SLC7A1: variants seen among roughly 807,000 people sequenced by gnomAD.
SLC7A1 encodes high affinity cationic amino acid transporter 1.
A neutral mutation model predicts 53.9 loss-of-function variants in SLC7A1; 10 were observed. That is an observed-to-expected ratio of 0.19 (90% CI 0.11 to 0.31). The LOEUF is 0.31. SLC7A1 is among the 10% of genes least tolerant of loss of function. The pLI is 1.00. For missense variants in SLC7A1, 525 were observed against 827.2 expected, an observed-to-expected ratio of 0.63 and a Z score of 4.48; for synonymous variants, 342 against 338.7, an observed-to-expected ratio of 1.01 and a Z score of -0.11.
At chr13:29,534,734 A>C (rs763569965) in intron 3 of SLC7A1, among the ~76,000 whole-genome samples, 1 of 152,158 alleles carries the variant, frequency 6.6e-6, no homozygotes, top group East Asian at 1.9e-4. Context: ...CTGACACAGA[A>C]GCAAGGCGGA....
intron 1 of SLC7A1, among the ~76,000 whole-genome samples, chr13:29,587,855 G>GC (rs1939412195): frequency 1.3e-5 from 2 of 152,076 alleles, no homozygotes; most frequent in Non-Finnish European, 2.9e-5. Flanking sequence ...GGACTTGGCT[G>GC]CGGGGCTCCT....
At chr13:29,563,425 A>C in intron 1 of SLC7A1, among the ~76,000 whole-genome samples, 1 of 152,262 alleles carries the variant, frequency 6.6e-6, no homozygotes. Flanking sequence ...TATTGTCTGC[A>C]AAATAGGCAC....
chr13:29,591,167 G>A (rs1022667280), intron 1 of SLC7A1, among the ~76,000 whole-genome samples: 1 of 152,052 alleles, frequency 6.6e-6, no homozygotes, highest in Non-Finnish European at 1.5e-5. Flanking sequence ...CTTCTTTCCA[G>A]TATAATAGTT....
At chr13:29,541,234 C>T (rs559258691) in intron 2 of SLC7A1, among the ~76,000 whole-genome samples, 4 of 152,092 alleles carry the variant, frequency 2.6e-5, no homozygotes, top group South Asian at 4.2e-4. Context: ...ATGGGACTAG[C>T]GGACACTAAG....
intron 1 of SLC7A1, among the ~76,000 whole-genome samples, chr13:29,589,556 A>G (rs941500779): frequency 6.6e-6 from 1 of 152,094 alleles, no homozygotes; most frequent in African/African-American, 2.4e-5. Context: ...AGGTGCCTGG[A>G]CTTGGGAGGG....
intron 2 of SLC7A1, among the ~76,000 whole-genome samples, chr13:29,548,134 T>C: frequency 6.6e-6 from 1 of 152,204 alleles, no homozygotes; most frequent in East Asian, 1.9e-4. Flanking sequence ...GACACTTCTC[T>C]GGGCCTAAGT....
chr13:29,544,874 G>GA (rs1566263599), intron 2 of SLC7A1, among the ~76,000 whole-genome samples: 1 of 151,050 alleles, frequency 6.6e-6, no homozygotes, highest in Admixed American at 6.6e-5. Flanking sequence ...CATCGGGGGG[G>GA]GGGGGCAAGC....
intron 1 of SLC7A1, among the ~76,000 whole-genome samples, chr13:29,565,666 T>G (rs1870938423): frequency 6.6e-6 from 1 of 152,210 alleles, no homozygotes; most frequent in Non-Finnish European, 1.5e-5. Context: ...CAGGTGGATC[T>G]CAGTCCACCA....
chr13:29,545,203 T>C (rs1244539073), intron 2 of SLC7A1, among the ~76,000 whole-genome samples: 4 of 152,106 alleles, frequency 2.6e-5, no homozygotes, highest in Non-Finnish European at 5.9e-5. Context: ...AATATAAATA[T>C]AAAAAGATGC....
At chr13:29,557,561 C>A (rs1177303285) in intron 1 of SLC7A1, among the ~76,000 whole-genome samples, 1 of 151,320 alleles carries the variant, frequency 6.6e-6, no homozygotes, top group Non-Finnish European at 1.5e-5. Context: ...AAAGGTATAG[C>A]AAGAATAAGA....
chr13:29,514,534 G>T lies in SLC7A1; in HGVS notation c.1836C>A (p.Ser612=). 2 of 1,611,470 alleles carry T rather than the reference G, an allele frequency of 1.2e-6. No individual in the cohort carries two copies. Among genetic ancestry groups the T allele is most frequent in the African/African-American group, 2.7e-5 (2 of 75,052 alleles). ...GYGLWHSEEA[S]LDADQARTPD... ...GAGTCCTTGCTTGGTCGGCATCCAG[G>T]GACGCCTCCTCGCTGTGCCACAGGC... The change falls in exon 13 of 13, where the codon TCC becomes TCA. Residue 612 remains serine, a synonymous_variant. Coordinates refer to ENST00000380752, the MANE Select transcript of SLC7A1 (RefSeq NM_003045.5).
intron 5 of SLC7A1, among the ~76,000 whole-genome samples, chr13:29,527,584 T>A (rs1868957306): frequency 6.6e-6 from 1 of 152,222 alleles, no homozygotes; most frequent in Non-Finnish European, 1.5e-5. Flanking sequence ...CCAAGAGCCC[T>A]CACCCAGCAA....
intron 1 of SLC7A1, among the ~76,000 whole-genome samples, chr13:29,559,700 T>C (rs1190236400): frequency 6.6e-6 from 1 of 152,098 alleles, no homozygotes; most frequent in African/African-American, 2.4e-5. Context: ...CATTTTTACT[T>C]TACAAACTTT....
At chr13:29,573,046 G>A (rs1386634077) in intron 1 of SLC7A1, among the ~76,000 whole-genome samples, 1 of 152,092 alleles carries the variant, frequency 6.6e-6, no homozygotes, top group Non-Finnish European at 1.5e-5. Flanking sequence ...AATCTATCCT[G>A]GAGAGAATAA....
intron 1 of SLC7A1, among the ~76,000 whole-genome samples, chr13:29,593,795 A>G (rs1872200489): frequency 6.6e-6 from 1 of 152,024 alleles, no homozygotes; most frequent in African/African-American, 2.4e-5. Context: ...AAGTAATCAT[A>G]TGTACAGGAG....
At chr13:29,587,299 C>T (rs923521108) in intron 1 of SLC7A1, among the ~76,000 whole-genome samples, 12 of 152,206 alleles carry the variant, frequency 7.9e-5, no homozygotes, top group African/African-American at 2.4e-4. Context: ...CTCTCAGTTC[C>T]AGCTGTTATG....
intron 1 of SLC7A1, among the ~76,000 whole-genome samples, chr13:29,587,469 C>A (rs188219500): frequency 2.3e-4 from 35 of 152,166 alleles, no homozygotes; most frequent in Non-Finnish European, 1.0e-4. Context: ...TCTTCCGTAG[C>A]CCACTGGTAG....
intron 2 of SLC7A1, among the ~76,000 whole-genome samples, chr13:29,536,843 T>G (rs566324729): frequency 6.6e-6 from 1 of 152,384 alleles, no homozygotes; most frequent in South Asian, 2.1e-4. Context: ...AGCACTTTTC[T>G]TCTGGGCTGA....
At chr13:29,541,160 T>G (rs1009609777) in intron 2 of SLC7A1, among the ~76,000 whole-genome samples, 1 of 152,186 alleles carries the variant, frequency 6.6e-6, no homozygotes, top group African/African-American at 2.4e-5. Context: ...CAGGATCCAC[T>G]TCCCCCCAGA....
Sources: allele counts gnomAD v4.1 joint callset (sites outside exome capture counted in the v4.1 genomes callset), GRCh38; gene constraint gnomAD v4.1.1; transcripts MANE v1.5; gene names NCBI Gene and HGNC (gene_info 2026-07-23, HGNC 2026-07-21).